NR1H4: variants seen among roughly 807,000 people sequenced by gnomAD.
NR1H4 encodes the protein nuclear receptor subfamily 1 group H member 4.
A neutral mutation model predicts 58.5 loss-of-function variants in NR1H4; 23 were observed. The observed-to-expected ratio is 0.39, with a 90% CI of 0.28 to 0.56. The LOEUF (loss-of-function observed/expected upper bound fraction) is 0.56. Among genes scored for constraint, NR1H4 ranks in the 20% least tolerant of loss-of-function variants. The pLI is 0.58. For missense variants in NR1H4, 487 were observed against 576.9 expected, an observed-to-expected ratio of 0.84 and a Z score of 1.60; for synonymous variants, 214 against 198.0, an observed-to-expected ratio of 1.08 and a Z score of -0.68.
chr12:100,511,171 C>G, intron 4 of NR1H4, 28 bp downstream of exon 4: 3 of 1,613,978 alleles, frequency 1.9e-6, no homozygotes, highest in Non-Finnish European at 1.7e-6. Flanking sequence ...GCAGTTTTCT[C>G]CTTCAGGTTT....
Position 100,563,391 on chromosome 12 carries a change from C to A in NR1H4, c.1333C>A (p.Arg445=). 6.2e-7 allele frequency: 1 copy of A among 1,614,070 alleles called. No individual in the cohort carries two copies. The highest frequency in any genetic ancestry group is 1.1e-5 in the South Asian group (1 of 91,074). ...TCTCCTGGGTCGCCTGACTGAATTACGGACATTCAATCATCACCACGCTGA... is the reference window on the plus strand; with the variant it reads ...TCTCCTGGGTCGCCTGACTGAATTAAGGACATTCAATCATCACCACGCTGA... The part of the protein sequence containing the change: ...ACLLGRLTEL[R]TFNHHHAEML... The change falls in exon 11 of 11, where the codon CGG becomes AGG. Residue 445 remains arginine, a synonymous_variant. Transcript: ENST00000392986.
intron 9 of NR1H4, among the ~76,000 whole-genome samples, chr12:100,554,265 T>G (rs146925260): frequency 6.6e-6 from 1 of 152,250 alleles, no homozygotes; most frequent in African/African-American, 2.4e-5. Context: ...AGTTACATGG[T>G]TTTAAGGAAA....
intron 5 of NR1H4, among the ~76,000 whole-genome samples, chr12:100,533,619 G>A (rs1289195548): frequency 6.6e-6 from 1 of 152,194 alleles, no homozygotes; most frequent in Non-Finnish European, 1.5e-5. Flanking sequence ...CACTTACTCT[G>A]ACACTGCACA....
At chr12:100,504,350 G>A (rs966717609) in intron 3 of NR1H4, among the ~76,000 whole-genome samples, 2 of 152,044 alleles carry the variant, frequency 1.3e-5, no homozygotes, top group African/African-American at 4.8e-5. Flanking sequence ...TCATAGACTT[G>A]GTAGCATACC....
chr12:100,537,783 G>A (rs1333023179), intron 8 of NR1H4, among the ~76,000 whole-genome samples: 2 of 152,198 alleles, frequency 1.3e-5, no homozygotes. Context: ...GCATGATCTT[G>A]GCTCACTGCA....
chr12:100,536,456 G>T, intron 6 of NR1H4, 56 bp from the exon 7 acceptor site: 1 of 1,013,346 alleles, frequency 9.9e-7, no homozygotes, highest in Non-Finnish European at 1.6e-6. Flanking sequence ...TGCACATATA[G>T]AAAGAAGGCT....
At chr12:100,507,552 T>C (rs1225820958) in intron 3 of NR1H4, among the ~76,000 whole-genome samples, 1 of 152,108 alleles carries the variant, frequency 6.6e-6, no homozygotes, top group East Asian at 1.9e-4. Flanking sequence ...AACCACCACA[T>C]CCCAGGTTCA....
chr12:100,500,317 T>C (rs929620129), intron 3 of NR1H4, among the ~76,000 whole-genome samples: 10 of 152,206 alleles, frequency 6.6e-5, no homozygotes, highest in Non-Finnish European at 1.5e-4. Flanking sequence ...ACCTCCCTTT[T>C]TTCATGCCTT....
In NR1H4 at chr12:100,548,016, G is replaced by A. The variant is rs186102170; in HGVS notation, c.1078+7198G>A. On this transcript the variant is annotated intron_variant, in intron 9 of 10. Coordinates refer to ENST00000392986, the MANE Select transcript of NR1H4 (RefSeq NM_001206979.2). ...ATTACAGGCTTGAGCCACCGCACCCGGCCCTGTTCCTCTTTTTATTATATT... is the reference window on the plus strand; with the variant it reads ...ATTACAGGCTTGAGCCACCGCACCCAGCCCTGTTCCTCTTTTTATTATATT... Among the ~76,000 whole-genome samples, 23 of 149,220 alleles carry A rather than the reference G, an allele frequency of 1.5e-4. 1 individual carries two copies. Among genetic ancestry groups the A allele is most frequent in the Middle Eastern group, 3.4e-3 (1 of 290 alleles).
At chr12:100,487,980 A>G (rs138731320) in intron 1 of NR1H4, among the ~76,000 whole-genome samples, 1 of 151,954 alleles carries the variant, frequency 6.6e-6, no homozygotes, top group Non-Finnish European at 1.5e-5. Flanking sequence ...GACCATGGCT[A>G]TCACCTGACA....
At chr12:100,477,739 G>C (rs1953300439) in intron 1 of NR1H4, among the ~76,000 whole-genome samples, 1 of 152,204 alleles carries the variant, frequency 6.6e-6, no homozygotes, top group Non-Finnish European at 1.5e-5. Flanking sequence ...GAAGCTGCCA[G>C]TGTAGACGAC....
At chr12:100,538,115 C>T (rs1279248661) in intron 8 of NR1H4, among the ~76,000 whole-genome samples, 1 of 151,852 alleles carries the variant, frequency 6.6e-6, no homozygotes, top group Non-Finnish European at 1.5e-5. Context: ...GTGGTGGGCT[C>T]CTAGGTTAGA....
At chr12:100,538,001 T>C (rs1373149617) in intron 8 of NR1H4, among the ~76,000 whole-genome samples, 1 of 152,152 alleles carries the variant, frequency 6.6e-6, no homozygotes, top group Admixed American at 6.5e-5. Context: ...CAAGCCACCA[T>C]GTCTGGCCGA....
chr12:100,490,351 G>A (rs879576792), intron 1 of NR1H4, among the ~76,000 whole-genome samples: 9 of 152,136 alleles, frequency 5.9e-5, no homozygotes, highest in Non-Finnish European at 1.3e-4. Flanking sequence ...GGTTAAAAAA[G>A]ACAGATGTGA....
intron 3 of NR1H4, among the ~76,000 whole-genome samples, chr12:100,509,915 GCA>G (rs139809053): frequency 0.012 from 1,603 of 130,772 alleles, 15 homozygotes; most frequent in African/African-American, 0.033. Context: ...GCACGTGCGC[GCA>G]CACACACACA....
intron 1 of NR1H4, among the ~76,000 whole-genome samples, chr12:100,483,231 T>C (rs747123211): frequency 3.2e-4 from 48 of 152,138 alleles, no homozygotes; most frequent in Non-Finnish European, 6.3e-4. Context: ...TGGCCTGTCA[T>C]AGTTCTTGAC....
chr12:100,542,345 T>C (rs1198534279), intron 9 of NR1H4, among the ~76,000 whole-genome samples: 1 of 150,942 alleles, frequency 6.6e-6, no homozygotes, highest in Non-Finnish European at 1.5e-5. Flanking sequence ...AGACTCAGTC[T>C]GAAAAAAAAA....
At position 100,509,799 on chromosome 12, in the gene NR1H4, A is replaced by C. The variant is rs1370422122; in HGVS notation, c.80-979A>C. 3.3e-5 allele frequency among the ~76,000 whole-genome samples: 5 copies of C among 152,222 alleles called. No homozygotes were observed. In the East Asian group the frequency reaches 9.6e-4, roughly 29 times the overall value. The stretch of plus-strand genomic sequence containing the variant: ...GGCAAAAACTACAAACAGTAAAAAA[A>C]ATTATGCAATCTTCTATCCCAGAAT... On this transcript the variant is annotated intron_variant, in intron 3 of 10. Coordinates refer to ENST00000392986, the MANE Select transcript of NR1H4 (RefSeq NM_001206979.2).
chr12:100,476,220 TG>T (rs946992307), intron 1 of NR1H4, among the ~76,000 whole-genome samples: 9 of 151,992 alleles, frequency 5.9e-5, no homozygotes, highest in African/African-American at 2.2e-4. Flanking sequence ...AAACTTGAAA[TG>T]GGGAATGATC....
Sources: gnomAD v4.1 joint callset for allele counts (sites outside exome capture counted in the v4.1 genomes callset) on GRCh38, gnomAD v4.1.1 for gene constraint, MANE v1.5 for transcripts, NCBI Gene and HGNC (gene_info 2026-07-23, HGNC 2026-07-21) for gene names.